SELENOF: variants seen among roughly 807,000 people sequenced by gnomAD.
SELENOF encodes selenoprotein F.
SELENOF carries 16 observed loss-of-function variants against 20.5 expected under a neutral mutation model. The ratio of observed to expected loss-of-function variants is 0.78; its 90% CI spans 0.53 to 1.19. The LOEUF is 1.19. Among genes scored for constraint, SELENOF ranks in the 50% most tolerant of loss-of-function variants. SELENOF has a pLI of 0.00. For missense variants in SELENOF, 215 were observed against 194.2 expected (o/e 1.11, Z -0.64); for synonymous variants, 78 against 74.5 (o/e 1.05, Z -0.24).
At chr1:86,889,019 T>C (rs1398953652) in intron 2 of SELENOF, among the ~76,000 whole-genome samples, 1 of 152,082 alleles carries the variant, frequency 6.6e-6, no homozygotes. Flanking sequence ...AATTGTGGTA[T>C]CTCCCTATAG....
chr1:86,863,622 C>T lies in SELENOF; in HGVS notation c.367-17G>A, dbSNP rs541331028. On this transcript the variant is annotated splice_polypyrimidine_tract_variant and intron_variant, in intron 4 of 4. Transcript: ENST00000331835. ...ACGGACATACTACAAAAAAGAGGGA[C>T]GTCATCATTACTTTCTGTTCAGAAA... The T allele has an allele frequency of 1.5e-5, 24 of 1,611,124 alleles. No homozygotes were observed. Among genetic ancestry groups the T allele is most frequent in the African/African-American group, 4.0e-5 (3 of 74,864 alleles).
At chr1:86,895,375 T>G (rs1357588106) in intron 2 of SELENOF, among the ~76,000 whole-genome samples, 2 of 152,240 alleles carry the variant, frequency 1.3e-5, no homozygotes, top group East Asian at 3.8e-4. Flanking sequence ...CTACTACTAC[T>G]ATTACTGCTG....
chr1:86,911,908 C>G (rs190195209), intron 1 of SELENOF, among the ~76,000 whole-genome samples: 1 of 151,872 alleles, frequency 6.6e-6, no homozygotes, highest in African/African-American at 2.4e-5. Flanking sequence ...CTCAGCCTCC[C>G]GAGTAGGCAT....
At chr1:86,880,028 A>G (rs1274968337) in intron 3 of SELENOF, among the ~76,000 whole-genome samples, 1 of 140,650 alleles carries the variant, frequency 7.1e-6, no homozygotes, top group Non-Finnish European at 1.5e-5. Flanking sequence ...CTACTTAAAG[A>G]AATTACACTT....
chr1:86,910,462 T>C (rs1335964702), intron 1 of SELENOF, among the ~76,000 whole-genome samples: 1 of 152,106 alleles, frequency 6.6e-6, no homozygotes, highest in Non-Finnish European at 1.5e-5. Flanking sequence ...TCCCAGCACT[T>C]TGGGAGGCTG....
intron 2 of SELENOF, among the ~76,000 whole-genome samples, chr1:86,890,463 A>G (rs927150043): frequency 3.9e-5 from 6 of 152,070 alleles, no homozygotes; most frequent in Non-Finnish European, 5.9e-5. Flanking sequence ...CATTTCCTCT[A>G]CCTTCTACCC....
intron 1 of SELENOF, among the ~76,000 whole-genome samples, 157 bp from the exon 2 acceptor site, chr1:86,903,605 T>A (rs1055485938): frequency 2.0e-5 from 3 of 152,244 alleles, no homozygotes; most frequent in East Asian, 1.9e-4. Context: ...AATTTAATTT[T>A]ATTTTTTTTT....
chr1:86,882,689 CAG>C (rs1289082435), intron 2 of SELENOF, among the ~76,000 whole-genome samples: 3 of 152,112 alleles, frequency 2.0e-5, no homozygotes, highest in Non-Finnish European at 4.4e-5. Flanking sequence ...AGGCCTCAAA[CAG>C]ATATTTATAC....
rs1462163587 is a variant in SELENOF, at chr1:86,910,832, C to T, written c.84+3196G>A. ...ATGTATTTTTTAATCTCTCCTCCTCCCAACAATTTTCATCTACACACCTCC... is the reference window on the plus strand; with the variant it reads ...ATGTATTTTTTAATCTCTCCTCCTCTCAACAATTTTCATCTACACACCTCC... On this transcript the variant is annotated intron_variant, in intron 1 of 4. Transcript: ENST00000331835. Among the ~76,000 whole-genome samples the T allele has an allele frequency of 2.6e-5, 4 of 151,784 alleles. No individual in the cohort carries two copies. The East Asian group carries it at 7.8e-4, about 29-fold the overall frequency.
chr1:86,886,858 A>G (rs979344559), intron 2 of SELENOF, among the ~76,000 whole-genome samples: 5 of 152,170 alleles, frequency 3.3e-5, no homozygotes, highest in Admixed American at 1.3e-4. Flanking sequence ...ATAAAAGCTG[A>G]GCACTGTATT....
At chr1:86,914,267 T>A, upstream of SELENOF, 1 of 657,680 alleles carries the variant, frequency 1.5e-6, no homozygotes. Flanking sequence ...TTAAAAGTCA[T>A]CAAATACAAT....
At chr1:86,882,267 A>G (rs1341419779) in intron 2 of SELENOF, among the ~76,000 whole-genome samples, 2 of 150,786 alleles carry the variant, frequency 1.3e-5, no homozygotes, top group Non-Finnish European at 3.0e-5. Context: ...AAAAAAAAAA[A>G]AAAAGAAAGA....
chr1:86,894,706 G>T (rs544706078), intron 2 of SELENOF, among the ~76,000 whole-genome samples: 2 of 152,104 alleles, frequency 1.3e-5, no homozygotes, highest in African/African-American at 4.8e-5. Context: ...GGGTGATGAC[G>T]CATGTCAATA....
intron 1 of SELENOF, among the ~76,000 whole-genome samples, chr1:86,913,439 T>C (rs1660041734): frequency 6.6e-6 from 1 of 152,190 alleles, no homozygotes; most frequent in Admixed American, 6.5e-5. Context: ...AAAAACTAAC[T>C]TCAAAAATGA....
chr1:86,878,231 C>T (rs1458177035), intron 3 of SELENOF, among the ~76,000 whole-genome samples: 4 of 152,126 alleles, frequency 2.6e-5, no homozygotes, highest in Admixed American at 2.6e-4. Flanking sequence ...AAATTTAAAT[C>T]CTTCCTCCTG....
chr1:86,874,523 C>G (rs1461835439), intron 3 of SELENOF, among the ~76,000 whole-genome samples: 2 of 151,782 alleles, frequency 1.3e-5, no homozygotes, highest in African/African-American at 4.8e-5. Context: ...GGATTTAGAG[C>G]TAACTTTAAG....
intron 1 of SELENOF, among the ~76,000 whole-genome samples, chr1:86,905,506 T>C (rs1659805389): frequency 6.6e-6 from 1 of 152,176 alleles, no homozygotes; most frequent in Non-Finnish European, 1.5e-5. Context: ...GCCAGAGTAC[T>C]TTTCTTCTCC....
chr1:86,872,141 T>C (rs954149792), intron 3 of SELENOF, among the ~76,000 whole-genome samples: 8 of 152,110 alleles, frequency 5.3e-5, no homozygotes, highest in African/African-American at 1.7e-4. Context: ...AACAAATCTA[T>C]TCAAAAGTTT....
chr1:86,913,924 G>T, intron 1 of SELENOF, 104 bp downstream of exon 1: 1 of 1,062,442 alleles, frequency 9.4e-7, no homozygotes, highest in Non-Finnish European at 1.5e-6. Context: ...TTAAGGAAGC[G>T]CAGTCCTCCC....
Sources: gnomAD v4.1 joint callset for allele counts (sites outside exome capture counted in the v4.1 genomes callset) on GRCh38, gnomAD v4.1.1 for gene constraint, MANE v1.5 for transcripts, NCBI Gene and HGNC (gene_info 2026-07-23, HGNC 2026-07-21) for gene names.